The following LRRC23 variants were observed in gnomAD, a reference collection of about 807,000 sequenced individuals.
LRRC23 encodes the protein leucine rich repeat containing 23.
In LRRC23, 28 loss-of-function variants were observed where a neutral mutation model predicts 37.7. The ratio of observed to expected loss-of-function variants is 0.74; its 90% CI spans 0.55 to 1.02. LRRC23 has a LOEUF of 1.02. Ranked by LOEUF, LRRC23 falls within the 50% of genes least tolerant of loss-of-function variation. The probability of loss-of-function intolerance (pLI) is 0.00; values close to 1 mark genes in which losing one functional copy is unlikely to be tolerated. For synonymous variants in LRRC23, 161 were observed against 165.4 expected, an observed-to-expected ratio of 0.97 and a Z score of 0.20; for missense variants, 377 against 413.2, an observed-to-expected ratio of 0.91 and a Z score of 0.76.
At chr12:6,906,697 C>G (rs1555139690) in intron 4 of LRRC23, 35 bp downstream of exon 4, 3 of 1,602,044 alleles carry the variant, frequency 1.9e-6, no homozygotes, top group Non-Finnish European at 2.6e-6. Flanking sequence ...AAGATTCTTT[C>G]CTTCCTAGCC....
At position 6,906,540 on chromosome 12, in the gene LRRC23, A is replaced by G. The variant is rs202194814; in HGVS notation, c.368A>G (p.Asn123Ser). 5.5e-5 allele frequency: 88 copies of G among 1,614,224 alleles called. No homozygotes were observed. Among genetic ancestry groups the G allele is most frequent in the Admixed American group, 3.2e-4 (19 of 60,028 alleles). Residue 123 changes from asparagine (N) to serine (S), a missense_variant, in exon 4 of 8, where the codon AAT (asparagine) becomes AGT (serine). Asn to Ser is a conservative substitution (Grantham distance 46). Transcript: ENST00000443597. The part of the protein sequence containing the change: ...THLLWLKADG[N>S]RLRSAQMNEL... ...CTGCTCTGGCTCAAGGCTGATGGCA[A>G]TCGGCTGCGAAGTGCCCAGATGAAT...
chr12:6,911,193 A>G (rs868920597), intron 6 of LRRC23, among the ~76,000 whole-genome samples: 41 of 152,182 alleles, frequency 2.7e-4, no homozygotes, highest in Middle Eastern at 6.8e-3. Flanking sequence ...AAGATCAGCA[A>G]CTCTTGTCGG....
At position 6,910,121 on chromosome 12, in the gene LRRC23, G is replaced by C; in HGVS notation, c.758+95G>C. 2.5e-6 allele frequency: 3 copies of C among 1,215,472 alleles called. No homozygotes were observed. The East Asian group carries it at 7.5e-5, about 30-fold the overall frequency. The allele number at this position is 1,215,472 out of a possible 1,614,324, so 75.3% of individuals were successfully genotyped here. ...TCCCTGGCCCAATCCCCCAGTCCTA[G>C]CCCACAGCTGGATTCTCAAGGAAAG... On this transcript the variant is annotated intron_variant, in intron 6 of 7. Coordinates refer to ENST00000443597, the MANE Select transcript of LRRC23 (RefSeq NM_001135217.2).
At chr12:6,908,574 G>C (rs1186220794) in intron 5 of LRRC23, among the ~76,000 whole-genome samples, 4 of 122,100 alleles carry the variant, frequency 3.3e-5, no homozygotes, top group African/African-American at 1.2e-4. Flanking sequence ...TCCAGCCTGG[G>C]AGACAGAGCA....
Position 6,913,994 on chromosome 12 carries a change from A to C in LRRC23, c.*128A>C. ...GCCTGTTTTTGCCCCAAAGCTGGAA[A>C]TTCATCACAACCTGAGGCCCAGGAT... On this transcript the variant is annotated 3_prime_UTR_variant, in exon 8 of 8. Coordinates refer to ENST00000443597, the MANE Select transcript of LRRC23 (RefSeq NM_001135217.2). 6.2e-7 allele frequency: 1 copy of C among 1,613,974 alleles called. No individual in the cohort carries two copies. The highest frequency in any genetic ancestry group is 8.5e-7 in the Non-Finnish European group (1 of 1,179,936).
chr12:6,913,739 A>G (rs1437866888), intron 7 of LRRC23, 152 bp from the exon 8 acceptor site: 5 of 537,366 alleles, frequency 9.3e-6, no homozygotes, highest in Middle Eastern at 5.3e-4. Flanking sequence ...TAATTTTTGT[A>G]TTTTTAGTAG....
In LRRC23 at chr12:6,908,615, A is replaced by G. The variant is rs868935230; in HGVS notation, c.621+1170A>G. 3.8e-3 allele frequency among the ~76,000 whole-genome samples: 438 copies of G among 114,696 alleles called. 11 individuals carry two copies. The highest frequency in any genetic ancestry group is 9.0e-3 in the African/African-American group (203 of 22,494). 75.2% of individuals were successfully genotyped at this position (114,696 alleles called of 152,430 possible). ...CCATCTCAAAAAAAAAAAAAAAAAA[A>G]AAAAACCAAAGAAAAACACGGTGAA... is the stretch of plus-strand genomic sequence containing the variant. On this transcript the variant is annotated intron_variant, in intron 5 of 7. Transcript: ENST00000443597.
At chr12:6,911,399 C>T (rs1021146433) in intron 6 of LRRC23, among the ~76,000 whole-genome samples, 4 of 152,136 alleles carry the variant, frequency 2.6e-5, no homozygotes, top group African/African-American at 9.7e-5. Context: ...CCACACGGAT[C>T]TGGTGGGGTG....
intron 3 of LRRC23, 91 bp from the exon 4 acceptor site, chr12:6,906,318 C>T: frequency 8.0e-7 from 1 of 1,247,234 alleles, no homozygotes; most frequent in Non-Finnish European, 1.1e-6. Context: ...TATAAGCCAT[C>T]TCCATATTGC....
chr12:6,908,877 T>C (rs1945025041), intron 5 of LRRC23, among the ~76,000 whole-genome samples: 1 of 142,936 alleles, frequency 7.0e-6, no homozygotes, highest in Admixed American at 7.6e-5. Flanking sequence ...GGGGAAAGAT[T>C]AGCGCTTTCT....
intron 7 of LRRC23, chr12:6,913,663 C>T: frequency 5.4e-6 from 1 of 185,368 alleles, no homozygotes; most frequent in Non-Finnish European, 1.1e-5. Flanking sequence ...CTCCTGGGTT[C>T]AAGCAATTCT....
Position 6,905,485 on chromosome 12 carries a change from G to A in LRRC23, c.-49-100G>A. On this transcript the variant is annotated intron_variant, in intron 1 of 7. Transcript: ENST00000443597. ...ACAGGGATAAGGAAAGAAGCCTAGA[G>A]TTGGTGGGTCAGAAGTCATGGGGGT... is the stretch of plus-strand genomic sequence containing the variant. 1.6e-5 allele frequency: 11 copies of A among 708,266 alleles called. No individual in the cohort carries two copies. The South Asian group carries it at 1.6e-4, about 10-fold the overall frequency. 43.9% of individuals were successfully genotyped at this position (708,266 alleles called of 1,614,324 possible). A position where few individuals can be genotyped will look rare whatever the true frequency, so the allele number is the denominator to read the frequency against.
chr12:6,906,652 G>A lies in LRRC23; in HGVS notation c.480G>A (p.Leu160=). 1.2e-6 allele frequency: 2 copies of A among 1,614,036 alleles called. No homozygotes were observed. The highest frequency in any genetic ancestry group is 1.7e-6 in the Non-Finnish European group (2 of 1,179,950). The part of the protein sequence containing the change: ...EGISHPRLET[L]NLKGNSIHMV... ...TCTCTCATCCTCGTCTTGAAACCCT[G>A]AATCTCAAAGGTGGGTCTTTAGGAT... The change falls in exon 4 of 8, where the codon CTG becomes CTA. Residue 160 remains leucine, a synonymous_variant. Coordinates refer to ENST00000443597, the MANE Select transcript of LRRC23 (RefSeq NM_001135217.2).
At chr12:6,909,742 A>G (rs1945112380) in intron 5 of LRRC23, 148 bp from the exon 6 acceptor site, 3 of 665,654 alleles carry the variant, frequency 4.5e-6, no homozygotes, top group Admixed American at 3.3e-5. Flanking sequence ...TTTACTTTCT[A>G]TACTGATCTC....
Position 6,905,714 on chromosome 12 carries a change from G to T in LRRC23, c.81G>T (p.Glu27Asp), listed in dbSNP as rs200813567. Residue 27 changes from glutamate to aspartate, a missense_variant, in exon 2 of 8, where the codon GAG (glutamate) becomes GAT (aspartate). Transcript: ENST00000443597. ...SEKEEDEKETEEGEDYRKEGE... is the reference protein window; with the variant it reads ...SEKEEDEKETDEGEDYRKEGE... Reference sequence around the variant, plus strand: ...AAGAAGAGGACGAGAAGGAGACAGAGGAGGGGGAGGACTACAGAAAAGAGG... The same window carrying T: ...AAGAAGAGGACGAGAAGGAGACAGATGAGGGGGAGGACTACAGAAAAGAGG... 6.2e-7 allele frequency: 1 copy of T among 1,613,602 alleles called. No homozygotes were observed. The highest frequency in any genetic ancestry group is 8.5e-7 in the Non-Finnish European group (1 of 1,179,726).
rs150183574 is a variant in LRRC23, at chr12:6,912,788, C to T, written c.817C>T (p.Arg273Ter). 13 of 1,614,152 alleles carry T rather than the reference C, an allele frequency of 8.1e-6. No individual in the cohort carries two copies. The highest frequency in any genetic ancestry group is 9.3e-6 in the Non-Finnish European group (11 of 1,180,018). Residue 273 changes from arginine (R) to a stop codon, truncating the protein, a stop_gained, in exon 7 of 8, where the codon CGA (arginine) becomes TGA (stop). Coordinates refer to ENST00000443597, the MANE Select transcript of LRRC23 (RefSeq NM_001135217.2). LOFTEE classifies it high-confidence loss of function. ...LAKLRDLPKL[R>*]ALVLLDNPCT... is the part of the protein sequence containing the mutation. ...CAAGCTTCGAGACCTGCCCAAGCTG[C>T]GAGCGTTGGTGCTGCTTGATAACCC...
Position 6,907,372 on chromosome 12 carries a change from C to T in LRRC23, c.548C>T (p.Thr183Ile). The T allele has an allele frequency of 6.2e-7, 1 of 1,614,016 alleles. No homozygotes were observed. The highest frequency in any genetic ancestry group is 1.1e-5 in the South Asian group (1 of 91,060). ...CCCGAGAAGTTGATCAGCCTGCACACAGTGGAGCTTCGGGGGAACCAGCTG... is the reference window on the plus strand; with the variant it reads ...CCCGAGAAGTTGATCAGCCTGCACATAGTGGAGCTTCGGGGGAACCAGCTG... ...LDPEKLISLH[T>I]VELRGNQLES... The change falls in exon 5 of 8, where the codon ACA (threonine) becomes ATA (isoleucine). Residue 183 changes from threonine (T) to isoleucine (I), a missense_variant. Transcript: ENST00000443597.
intron 6 of LRRC23, among the ~76,000 whole-genome samples, chr12:6,910,625 C>A (rs1251849195): frequency 6.6e-6 from 1 of 152,152 alleles, no homozygotes; most frequent in Non-Finnish European, 1.5e-5. Context: ...GGGAGGATCG[C>A]TGGAGCCTCG....
chr12:6,913,537 C>G (rs953048700), intron 7 of LRRC23, among the ~76,000 whole-genome samples: 1 of 82,600 alleles, frequency 1.2e-5, no homozygotes, highest in Non-Finnish European at 2.4e-5. Flanking sequence ...AGGGGAGAGG[C>G]TTTATTTACC....
Sources: gnomAD v4.1 joint callset for allele counts (sites outside exome capture counted in the v4.1 genomes callset) on GRCh38, gnomAD v4.1.1 for gene constraint, MANE v1.5 for transcripts, NCBI Gene and HGNC (gene_info 2026-07-23, HGNC 2026-07-21) for gene names.